The following MARCHF1 variants were observed in gnomAD, a reference collection of about 807,000 sequenced individuals.
MARCHF1 encodes the protein membrane associated ring-CH-type finger 1, also known as E3 ubiquitin-protein ligase MARCHF1.
MARCHF1 carries 40 observed loss-of-function variants against 54.2 expected under a neutral mutation model. That is an observed-to-expected ratio of 0.74 (90% confidence interval 0.57 to 0.96). The LOEUF is 0.96. MARCHF1 is among the 40% of genes least tolerant of loss of function. The pLI, the probability that MARCHF1 is intolerant of heterozygous loss-of-function variation, is 0.00. For missense variants in MARCHF1, 586 were observed against 656.5 expected, an observed-to-expected ratio of 0.89 and a Z score of 1.17; for synonymous variants, 236 against 236.3, an observed-to-expected ratio of 1.00 and a Z score of 0.01.
chr4:163,733,149 T>TTC (rs377396807), intron 4 of MARCHF1, among the ~76,000 whole-genome samples: 18,207 of 62,158 alleles, frequency 0.29, 4,239 homozygotes, highest in Admixed American at 0.38. Flanking sequence ...AAGACTCCAT[T>TTC]TCTCTCTCTC....
At chr4:163,924,379 T>G (rs922439457) in intron 3 of MARCHF1, among the ~76,000 whole-genome samples, 1 of 151,982 alleles carries the variant, frequency 6.6e-6, no homozygotes, top group East Asian at 1.9e-4. Flanking sequence ...GAGGCAGACT[T>G]GCATGTAAAA....
chr4:164,117,838 T>A (rs1422632753), intron 1 of MARCHF1, among the ~76,000 whole-genome samples: 1 of 151,466 alleles, frequency 6.6e-6, no homozygotes, highest in Non-Finnish European at 1.5e-5. Context: ...AGGTGGAGGT[T>A]GCAGTGAGCC....
chr4:163,843,168 C>T (rs1026357631), intron 4 of MARCHF1, among the ~76,000 whole-genome samples: 4 of 152,112 alleles, frequency 2.6e-5, no homozygotes, highest in Non-Finnish European at 5.9e-5. Flanking sequence ...CCTCCAGTTG[C>T]ATCCATGTTG....
chr4:163,602,062 C>A (rs1511780), intron 7 of MARCHF1, among the ~76,000 whole-genome samples: 139,510 of 151,900 alleles, frequency 0.92, 64,175 homozygotes, highest in African/African-American at 0.97. Flanking sequence ...GAAAAGATAA[C>A]ATGCCATTTC....
At chr4:163,543,920 C>T (rs1019123943) in intron 9 of MARCHF1, among the ~76,000 whole-genome samples, 1 of 152,082 alleles carries the variant, frequency 6.6e-6, no homozygotes, top group African/African-American at 2.4e-5. Flanking sequence ...AGGGTGACCA[C>T]TGGGAGAGGG....
chr4:164,277,969 G>A (rs1215878458), intron 1 of MARCHF1, among the ~76,000 whole-genome samples: 10 of 152,180 alleles, frequency 6.6e-5, no homozygotes, highest in Admixed American at 6.5e-4. Context: ...CAATTAAGGA[G>A]CACAGCTATG....
chr4:163,592,855 T>C (rs759122362), intron 7 of MARCHF1, among the ~76,000 whole-genome samples: 26 of 152,074 alleles, frequency 1.7e-4, no homozygotes, highest in Non-Finnish European at 2.2e-4. Context: ...CTCCATGGGC[T>C]CTTGAAACAC....
At chr4:164,280,539 G>A (rs1010470594) in intron 1 of MARCHF1, among the ~76,000 whole-genome samples, 1 of 152,048 alleles carries the variant, frequency 6.6e-6, no homozygotes, top group African/African-American at 2.4e-5. Context: ...TTCCTACCTT[G>A]TGACATAAAC....
At chr4:163,894,906 CATATATATATATATGCATGTGATGCAT>C (rs1409186438) in intron 3 of MARCHF1, among the ~76,000 whole-genome samples, 372 of 2,614 alleles carry the variant, frequency 0.14, 148 homozygotes, top group Non-Finnish European at 0.26. Flanking sequence ...GCATGTGATG[CATATATATATATATGCATGTGATGCAT>C]ATATATATAT....
At chr4:163,537,087 A>G (rs1450146877) in intron 9 of MARCHF1, among the ~76,000 whole-genome samples, 6 of 152,038 alleles carry the variant, frequency 3.9e-5, no homozygotes, top group Admixed American at 3.3e-4. Context: ...TTGCCTTCAA[A>G]TAAGTGGACA....
intron 1 of MARCHF1, among the ~76,000 whole-genome samples, chr4:164,158,304 T>C (rs1295758791): frequency 6.6e-6 from 1 of 152,142 alleles, no homozygotes; most frequent in Non-Finnish European, 1.5e-5. Context: ...GCCTATGTAT[T>C]TTTCCTTTTA....
At chr4:163,958,877 G>A (rs548873541) in intron 3 of MARCHF1, among the ~76,000 whole-genome samples, 17 of 151,830 alleles carry the variant, frequency 1.1e-4, no homozygotes, top group Non-Finnish European at 2.2e-4. Context: ...TGGGGCTTCC[G>A]AATCCAGGCT....
At chr4:163,927,696 T>C (rs915354454) in intron 3 of MARCHF1, among the ~76,000 whole-genome samples, 1 of 151,800 alleles carries the variant, frequency 6.6e-6, no homozygotes, top group African/African-American at 2.4e-5. Flanking sequence ...ACAGAAACTG[T>C]CCTCAATAAA....
chr4:163,540,133 T>C (rs904241303), intron 9 of MARCHF1, among the ~76,000 whole-genome samples: 1 of 152,246 alleles, frequency 6.6e-6, no homozygotes, highest in Non-Finnish European at 1.5e-5. Context: ...TAAGGTCTCT[T>C]GCAGCTTTGA....
intron 1 of MARCHF1, among the ~76,000 whole-genome samples, chr4:164,284,296 T>A (rs1734091592): frequency 6.7e-6 from 1 of 149,386 alleles, no homozygotes; most frequent in African/African-American, 2.5e-5. Flanking sequence ...TTGTTTTTAA[T>A]GCAGTCCTTA....
At chr4:163,669,483 T>A (rs761756966) in intron 5 of MARCHF1, among the ~76,000 whole-genome samples, 5 of 152,112 alleles carry the variant, frequency 3.3e-5, no homozygotes, top group Non-Finnish European at 5.9e-5. Context: ...GCAGGGTGTA[T>A]TTTCCAGGAC....
chr4:164,036,113 A>C (rs374081506), intron 2 of MARCHF1, among the ~76,000 whole-genome samples: 3 of 123,150 alleles, frequency 2.4e-5, no homozygotes, highest in South Asian at 2.3e-4. Flanking sequence ...AAAAAAAAAA[A>C]AAACAAAAAA....
At chr4:163,763,954 TA>T (rs1472008616) in intron 4 of MARCHF1, among the ~76,000 whole-genome samples, 1 of 152,092 alleles carries the variant, frequency 6.6e-6, no homozygotes, top group Admixed American at 6.5e-5. Context: ...CATTTTCCCA[TA>T]TTTTTTGAGA....
At chr4:163,889,919 C>CTTTTTCTTTT (rs1750618978) in intron 3 of MARCHF1, among the ~76,000 whole-genome samples, 1 of 117,238 alleles carries the variant, frequency 8.5e-6, no homozygotes, top group African/African-American at 3.1e-5. Flanking sequence ...TATTTATTTT[C>CTTTTTCTTTT]TTTTTTCTTT....
Sources: gnomAD v4.1 joint callset for allele counts (sites outside exome capture counted in the v4.1 genomes callset) on GRCh38, gnomAD v4.1.1 for gene constraint, MANE v1.5 for transcripts, NCBI Gene and HGNC (gene_info 2026-07-23, HGNC 2026-07-21) for gene names.